Variants in WFDC9 observed in about 807,000 individuals in gnomAD.
WFDC9 encodes protein WFDC9.
WFDC9 carries 9 observed loss-of-function variants against 9.5 expected under a neutral mutation model. The ratio of observed to expected loss-of-function variants is 0.95; its 90% CI spans 0.57 to 1.65. The LOEUF is 1.65. Among genes scored for constraint, WFDC9 ranks in the 40% most tolerant of loss-of-function variants. The pLI is 0.00. For missense variants in WFDC9, 87 were observed against 106.7 expected, an observed-to-expected ratio of 0.82 and a Z score of 0.81; for synonymous variants, 33 against 32.3, an observed-to-expected ratio of 1.02 and a Z score of -0.07.
At chr20:45,611,935 G>C (rs1981868072) in intron 2 of WFDC9, among the ~76,000 whole-genome samples, 1 of 152,112 alleles carries the variant, frequency 6.6e-6, no homozygotes, top group African/African-American at 2.4e-5. Flanking sequence ...ATGGGCCCCA[G>C]AGTCAGATAG....
chr20:45,629,642 A>T (rs921429781), intron 1 of WFDC9: 1 of 750,360 alleles, frequency 1.3e-6, no homozygotes, highest in Non-Finnish European at 2.1e-6. Context: ...CGACAAGGCC[A>T]GGGGCAAGCA....
At chr20:45,628,478 T>C (rs1982272711) in intron 1 of WFDC9, among the ~76,000 whole-genome samples, 1 of 152,196 alleles carries the variant, frequency 6.6e-6, no homozygotes, top group Non-Finnish European at 1.5e-5. Flanking sequence ...CAGCTTCTAT[T>C]TGAGATGATG....
intron 1 of WFDC9, among the ~76,000 whole-genome samples, chr20:45,624,423 T>C (rs538378639): frequency 6.6e-6 from 1 of 152,232 alleles, no homozygotes; most frequent in African/African-American, 2.4e-5. Context: ...CTGAATAGGA[T>C]TGTGTTGTAT....
At chr20:45,614,786 G>T (rs975535978) in intron 1 of WFDC9, 65 bp from the exon 2 acceptor site, 10 of 152,164 alleles carry the variant, frequency 6.6e-5, no homozygotes, top group African/African-American at 2.4e-4. Context: ...TTTTGGTTGT[G>T]ACCGATTTTT....
chr20:45,624,018 C>T (rs1005387296), intron 1 of WFDC9, among the ~76,000 whole-genome samples: 9 of 151,932 alleles, frequency 5.9e-5, no homozygotes, highest in African/African-American at 2.2e-4. Context: ...TGGTGAAACA[C>T]CCGTCTCTAC....
intron 1 of WFDC9, among the ~76,000 whole-genome samples, chr20:45,618,157 C>G (rs568457414): frequency 6.6e-6 from 1 of 152,268 alleles, no homozygotes; most frequent in Non-Finnish European, 1.5e-5. Context: ...CCTCATGAAC[C>G]AACCTCTGCT....
At chr20:45,611,815 C>T (rs1981864277) in intron 2 of WFDC9, among the ~76,000 whole-genome samples, 1 of 152,176 alleles carries the variant, frequency 6.6e-6, no homozygotes, top group Non-Finnish European at 1.5e-5. Flanking sequence ...ACATTTCCAC[C>T]TACCGGATAT....
intron 2 of WFDC9, among the ~76,000 whole-genome samples, chr20:45,611,894 T>C (rs1446062635): frequency 6.6e-6 from 1 of 152,082 alleles, no homozygotes; most frequent in African/African-American, 2.4e-5. Flanking sequence ...CACCACACTA[T>C]TTGCTGATGG....
At chr20:45,621,212 T>C (rs891188842) in intron 1 of WFDC9, among the ~76,000 whole-genome samples, 1 of 152,224 alleles carries the variant, frequency 6.6e-6, no homozygotes. Flanking sequence ...CTTCTAAGTT[T>C]TCCTAAAACA....
chr20:45,631,015 G>A (rs1368002984), intron 1 of WFDC9, 188 bp downstream of exon 1: 1 of 1,597,090 alleles, frequency 6.3e-7, no homozygotes, highest in South Asian at 1.1e-5. Context: ...TGAGCATCCT[G>A]TGAGTGGGAG....
chr20:45,611,685 G>T (rs1229589527), intron 2 of WFDC9, among the ~76,000 whole-genome samples: 1 of 151,944 alleles, frequency 6.6e-6, no homozygotes, highest in Non-Finnish European at 1.5e-5. Flanking sequence ...TTAAAGCTTT[G>T]GTACATATAT....
chr20:45,610,347 AC>A, intron 2 of WFDC9, 108 bp from the exon 3 acceptor site: 1 of 522,572 alleles, frequency 1.9e-6, no homozygotes, highest in Non-Finnish European at 3.3e-6. Context: ...TAGCATACCA[AC>A]CAACTCCCAG....
chr20:45,608,025 G>C lies in WFDC9; in HGVS notation c.*85C>G. The C allele has an allele frequency of 6.8e-7, 1 of 1,470,088 alleles. No individual in the cohort carries two copies. The highest frequency in any genetic ancestry group is 9.5e-7 in the Non-Finnish European group (1 of 1,054,074). 91.1% of individuals were successfully genotyped at this position (1,470,088 alleles called of 1,614,324 possible). On this transcript the variant is annotated 3_prime_UTR_variant, in exon 5 of 5. Transcript: ENST00000326000. ...AGAAAGGTTACCAGCTAGAGCCAGT[G>C]GGTGTCCCAAGAAGGAAGTAGGCAG...
At chr20:45,622,097 A>G (rs1982115461) in intron 1 of WFDC9, among the ~76,000 whole-genome samples, 1 of 148,308 alleles carries the variant, frequency 6.7e-6, no homozygotes, top group Non-Finnish European at 1.5e-5. Flanking sequence ...CTGATGTTTC[A>G]TATGTCTTAG....
chr20:45,621,412 C>A (rs1157546433), intron 1 of WFDC9, among the ~76,000 whole-genome samples: 1 of 152,272 alleles, frequency 6.6e-6, no homozygotes, highest in Non-Finnish European at 1.5e-5. Context: ...TCTCACTATG[C>A]AAAATTGTTG....
intron 1 of WFDC9, among the ~76,000 whole-genome samples, chr20:45,627,262 A>G (rs557452290): frequency 1.0e-3 from 158 of 152,172 alleles, no homozygotes; most frequent in African/African-American, 3.7e-3. Context: ...CATCAGGAAT[A>G]TTGGCCTGTG....
chr20:45,622,201 C>A (rs1982117272), intron 1 of WFDC9, among the ~76,000 whole-genome samples: 1 of 149,452 alleles, frequency 6.7e-6, no homozygotes, highest in South Asian at 2.1e-4. Flanking sequence ...CTATTGATTT[C>A]TTGTCCTATT....
At chr20:45,619,311 C>T (rs1039208075) in intron 1 of WFDC9, among the ~76,000 whole-genome samples, 7 of 152,288 alleles carry the variant, frequency 4.6e-5, no homozygotes, top group Admixed American at 2.6e-4. Flanking sequence ...ACTCATGATT[C>T]TGGATCAAGC....
At chr20:45,611,284 G>A (rs1981854313) in intron 2 of WFDC9, among the ~76,000 whole-genome samples, 1 of 152,154 alleles carries the variant, frequency 6.6e-6, no homozygotes, top group African/African-American at 2.4e-5. Context: ...GCCAGAGTGG[G>A]GGTGGTGGGA....
Sources: allele counts gnomAD v4.1 joint callset (sites outside exome capture counted in the v4.1 genomes callset), GRCh38; gene constraint gnomAD v4.1.1; transcripts MANE v1.5; gene names NCBI Gene and HGNC (gene_info 2026-07-23, HGNC 2026-07-21).